LRP1B: variants seen among roughly 807,000 people sequenced by gnomAD.
The protein encoded by LRP1B is low-density lipoprotein receptor-related protein 1B.
LRP1B carries 217 observed loss-of-function variants against 556.6 expected under a neutral mutation model. The observed-to-expected ratio is 0.39, with a 90% CI of 0.35 to 0.44. The LOEUF (loss-of-function observed/expected upper bound fraction) is 0.44, where lower values mean the gene tolerates loss of function less well. Among genes scored for constraint, LRP1B ranks in the 20% least tolerant of loss-of-function variants. LRP1B has a pLI of 1.00. For missense variants in LRP1B, 5,053 were observed against 5,620.8 expected, an observed-to-expected ratio of 0.90 and a Z score of 3.23; for synonymous variants, 2,047 against 1,865.8, an observed-to-expected ratio of 1.10 and a Z score of -2.50.
chr2:140,970,766 G>A (rs1696395675), intron 18 of LRP1B, among the ~76,000 whole-genome samples: 1 of 108,014 alleles, frequency 9.3e-6, no homozygotes, highest in African/African-American at 3.8e-5. Context: ...TTTGAGAGAG[G>A]GTCTTGCTCT....
intron 43 of LRP1B, among the ~76,000 whole-genome samples, chr2:140,565,071 T>G (rs1681075698): frequency 8.0e-6 from 1 of 125,028 alleles, no homozygotes; most frequent in South Asian, 2.8e-4. Flanking sequence ...AAAAACAGAT[T>G]TTTTTTCACG....
At chr2:140,547,672 T>C (rs577126928) in intron 43 of LRP1B, among the ~76,000 whole-genome samples, 74 of 152,162 alleles carry the variant, frequency 4.9e-4, no homozygotes, top group Non-Finnish European at 8.4e-4. Flanking sequence ...ATTCCTTCCT[T>C]TTATGGATAA....
chr2:141,707,976 G>T (rs193091480), intron 2 of LRP1B, among the ~76,000 whole-genome samples: 120 of 152,250 alleles, frequency 7.9e-4, no homozygotes, highest in Admixed American at 3.2e-3. Context: ...GCATCTTTGT[G>T]TTGCTTCAAT....
intron 1 of LRP1B, among the ~76,000 whole-genome samples, chr2:142,003,085 A>G (rs532413414): frequency 2.6e-5 from 4 of 152,250 alleles, no homozygotes; most frequent in Non-Finnish European, 2.9e-5. Context: ...TTATGCCAAC[A>G]AAACTACAAA....
Position 140,556,508 on chromosome 2 carries a change from T to C in LRP1B, c.7195-14537A>G, listed in dbSNP as rs538081083. Among the ~76,000 whole-genome samples, 40 of 152,196 alleles carry C rather than the reference T, an allele frequency of 2.6e-4. 1 individual carries two copies. In the South Asian group the frequency reaches 5.0e-3, roughly 19 times the overall value. On this transcript the variant is annotated intron_variant, in intron 43 of 90. Transcript: ENST00000389484. Reference sequence around the variant, plus strand: ...TTCGTCATCAAACTTAGCACAAAAATTCACAGATTTCACTATTTCTTGGGT... The same window carrying C: ...TTCGTCATCAAACTTAGCACAAAAACTCACAGATTTCACTATTTCTTGGGT...
At chr2:140,259,075 G>A (rs918418481) in intron 86 of LRP1B, among the ~76,000 whole-genome samples, 3 of 151,980 alleles carry the variant, frequency 2.0e-5, no homozygotes, top group Non-Finnish European at 4.4e-5. Flanking sequence ...CCATATTCCT[G>A]AGAATTATTT....
chr2:141,395,111 T>G (rs1690194567), intron 3 of LRP1B, among the ~76,000 whole-genome samples: 1 of 152,088 alleles, frequency 6.6e-6, no homozygotes, highest in Admixed American at 6.6e-5. Context: ...TGTAACCTCA[T>G]TTTACTTATT....
chr2:140,834,064 A>C (rs1691812788), intron 31 of LRP1B, among the ~76,000 whole-genome samples: 1 of 152,188 alleles, frequency 6.6e-6, no homozygotes, highest in Non-Finnish European at 1.5e-5. Flanking sequence ...AGAAAAGCAT[A>C]AAACAACATT....
At chr2:142,007,453 G>A (rs960216355) in intron 1 of LRP1B, among the ~76,000 whole-genome samples, 1 of 152,092 alleles carries the variant, frequency 6.6e-6, no homozygotes, top group African/African-American at 2.4e-5. Context: ...AGAGAAAAGG[G>A]CTTCCTTATC....
At chr2:141,876,538 T>C (rs536474612) in intron 1 of LRP1B, among the ~76,000 whole-genome samples, 1 of 152,130 alleles carries the variant, frequency 6.6e-6, no homozygotes, top group Admixed American at 6.6e-5. Flanking sequence ...ATGTAGTTAT[T>C]CTCTATCACT....
chr2:141,517,261 C>CACACACACACACACA (rs1491252909), intron 2 of LRP1B, among the ~76,000 whole-genome samples: 1 of 149,590 alleles, frequency 6.7e-6, no homozygotes, highest in African/African-American at 2.5e-5. Flanking sequence ...GACAAGAATA[C>CACACACACACACACA]GCACACACAC....
At chr2:140,361,373 T>C (rs1395745283) in intron 72 of LRP1B, among the ~76,000 whole-genome samples, 1 of 129,026 alleles carries the variant, frequency 7.8e-6, no homozygotes, top group Non-Finnish European at 1.6e-5. Flanking sequence ...TATATATATA[T>C]ATATATAACA....
At chr2:141,692,789 C>T (rs765833971) in intron 2 of LRP1B, among the ~76,000 whole-genome samples, 4 of 152,004 alleles carry the variant, frequency 2.6e-5, no homozygotes, top group African/African-American at 7.2e-5. Flanking sequence ...CAAACCTGTA[C>T]ATTATGTTAC....
chr2:140,942,243 G>A (rs928727355), intron 20 of LRP1B, among the ~76,000 whole-genome samples: 7 of 152,090 alleles, frequency 4.6e-5, no homozygotes, highest in Admixed American at 1.3e-4. Flanking sequence ...CAAAAATAAA[G>A]AAAAATAATT....
chr2:140,741,454 C>T (rs1432180507), intron 35 of LRP1B, among the ~76,000 whole-genome samples: 2 of 152,060 alleles, frequency 1.3e-5, no homozygotes, highest in African/African-American at 4.8e-5. Flanking sequence ...AAGAGACTTA[C>T]ATTGCCAATG....
At chr2:142,094,892 A>G (rs1706304376) in intron 1 of LRP1B, among the ~76,000 whole-genome samples, 1 of 151,840 alleles carries the variant, frequency 6.6e-6, no homozygotes, top group Admixed American at 6.6e-5. Flanking sequence ...GATAACTGAA[A>G]ATAGGAGAAA....
At chr2:140,476,467 A>AT (rs1687978977) in intron 59 of LRP1B, among the ~76,000 whole-genome samples, 1 of 151,984 alleles carries the variant, frequency 6.6e-6, no homozygotes, top group African/African-American at 2.4e-5. Flanking sequence ...CTTTAAAGAA[A>AT]TTTTTTCTCA....
At chr2:141,357,851 A>G (rs1486793484) in intron 3 of LRP1B, among the ~76,000 whole-genome samples, 3 of 152,202 alleles carry the variant, frequency 2.0e-5, no homozygotes, top group Non-Finnish European at 4.4e-5. Context: ...TTTCAACTGA[A>G]CAAGAAAATG....
At chr2:142,021,879 A>G (rs1393809681) in intron 1 of LRP1B, among the ~76,000 whole-genome samples, 2 of 152,164 alleles carry the variant, frequency 1.3e-5, no homozygotes, top group Non-Finnish European at 1.5e-5. Context: ...AATATTCTCA[A>G]TCAGGTGACC....
Sources: gnomAD v4.1 joint callset for allele counts (sites outside exome capture counted in the v4.1 genomes callset) on GRCh38, gnomAD v4.1.1 for gene constraint, MANE v1.5 for transcripts, NCBI Gene and HGNC (gene_info 2026-07-23, HGNC 2026-07-21) for gene names.